The following SVIL variants were observed in gnomAD, a reference collection of about 807,000 sequenced individuals.
SVIL encodes supervillin, also known as archvillin.
SVIL carries 101 observed loss-of-function variants against 240.4 expected under a neutral mutation model. That is an observed-to-expected ratio of 0.42 (90% confidence interval 0.36 to 0.50). SVIL has a LOEUF of 0.50. SVIL is among the 20% of genes least tolerant of loss of function. The pLI is 0.01. For missense variants in SVIL, 2,512 were observed against 2,818.7 expected, an observed-to-expected ratio of 0.89 and a Z score of 2.46; for synonymous variants, 999 against 1,100.0, an observed-to-expected ratio of 0.91 and a Z score of 1.82.
Position 29,559,810 on chromosome 10 carries a change from C to T in SVIL, c.-51+3391G>A, listed in dbSNP as rs144797089. ...GCTGGAGGTTAGTTTTCAAGTAAGG[C>T]GATTTAAGGAAATTTGATAGCAGAG... On this transcript the variant is annotated intron_variant, in intron 3 of 37. Transcript: ENST00000355867. 7.6e-4 allele frequency among the ~76,000 whole-genome samples: 115 copies of T among 152,110 alleles called. 1 individual carries two copies. The highest frequency in any genetic ancestry group is 2.6e-3 in the African/African-American group (107 of 41,484).
At chr10:29,718,153 C>T (rs1195600726) in intron 1 of SVIL, among the ~76,000 whole-genome samples, 1 of 151,924 alleles carries the variant, frequency 6.6e-6, no homozygotes, top group Non-Finnish European at 1.5e-5. Flanking sequence ...TGGTGAAATC[C>T]CGTTTCTACT....
chr10:29,566,695 T>A (rs1040225721), intron 2 of SVIL, among the ~76,000 whole-genome samples: 2 of 152,208 alleles, frequency 1.3e-5, no homozygotes, highest in Non-Finnish European at 2.9e-5. Context: ...CACAAGCACC[T>A]GTGAGGGTCC....
intron 1 of SVIL, among the ~76,000 whole-genome samples, chr10:29,585,865 A>G (rs932715445): frequency 2.6e-5 from 4 of 152,242 alleles, no homozygotes; most frequent in African/African-American, 9.6e-5. Context: ...AATGAATGAG[A>G]AGCCGCTTAG....
chr10:29,654,551 C>A (rs1255308018), intron 3 of SVIL, among the ~76,000 whole-genome samples: 1 of 152,174 alleles, frequency 6.6e-6, no homozygotes, highest in Non-Finnish European at 1.5e-5. Context: ...CTGGCTAGAA[C>A]CTCCAGCACA....
chr10:29,500,165 A>G (rs4747661), intron 17 of SVIL, among the ~76,000 whole-genome samples: 23,138 of 152,062 alleles, frequency 0.15, 1,977 homozygotes, highest in East Asian at 0.29. Context: ...AGCAGAGGAC[A>G]GGGCTCATGC....
chr10:29,515,316 G>A (rs3780849), intron 16 of SVIL, among the ~76,000 whole-genome samples: 66,510 of 151,958 alleles, frequency 0.44, 15,210 homozygotes, highest in African/African-American at 0.55. Context: ...GCTCTAATCC[G>A]CACCATTTCA....
chr10:29,671,710 A>G (rs1209310451), intron 2 of SVIL, among the ~76,000 whole-genome samples: 1 of 152,134 alleles, frequency 6.6e-6, no homozygotes, highest in Non-Finnish European at 1.5e-5. Context: ...TTTCTTTCCA[A>G]TGGCTCCAGA....
At chr10:29,655,005 A>G (rs1023815624) in intron 3 of SVIL, among the ~76,000 whole-genome samples, 2 of 152,136 alleles carry the variant, frequency 1.3e-5, no homozygotes, top group African/African-American at 4.8e-5. Context: ...CCACTCATAC[A>G]CCAATCTCGT....
intron 1 of SVIL, among the ~76,000 whole-genome samples, chr10:29,580,669 A>C (rs1955904309): frequency 6.6e-6 from 1 of 152,182 alleles, no homozygotes; most frequent in South Asian, 2.1e-4. Flanking sequence ...GTATGTATGT[A>C]TGTATGTATT....
Position 29,532,837 on chromosome 10 carries a change from T to C in SVIL, c.1530A>G (p.Thr510=). ...TGTAGAGAACCATCTCGCTCCTGCCTGTCCTCTCAGTGGGCTGGTGCGGAG... is the reference window on the plus strand; with the variant it reads ...TGTAGAGAACCATCTCGCTCCTGCCCGTCCTCTCAGTGGGCTGGTGCGGAG... The part of the protein sequence containing the change: ...PQAPHQPTER[T]GRSEMVLYIQ... Residue 510 remains threonine, a synonymous_variant, in exon 8 of 38, where the codon ACA becomes ACG. Coordinates refer to ENST00000355867, the MANE Select transcript of SVIL (RefSeq NM_021738.3). 6.2e-7 allele frequency: 1 copy of C among 1,614,192 alleles called. No individual in the cohort carries two copies. The highest frequency in any genetic ancestry group is 2.2e-5 in the East Asian group (1 of 44,880).
intron 35 of SVIL, among the ~76,000 whole-genome samples, 177 bp downstream of exon 35, chr10:29,463,315 A>AACTT (rs1437466972): frequency 6.6e-6 from 1 of 152,198 alleles, no homozygotes; most frequent in Admixed American, 6.5e-5. Context: ...GCTAATCTAA[A>AACTT]ACTTAATACA....
intron 1 of SVIL, among the ~76,000 whole-genome samples, chr10:29,610,193 G>T (rs1341393058): frequency 1.3e-5 from 2 of 152,058 alleles, no homozygotes; most frequent in Non-Finnish European, 2.9e-5. Context: ...CTCAACCTGG[G>T]CAATTCTTCC....
chr10:29,471,829 G>A (rs1019525750), intron 30 of SVIL, among the ~76,000 whole-genome samples: 5 of 152,214 alleles, frequency 3.3e-5, no homozygotes, highest in Admixed American at 6.5e-5. Context: ...TCCTGGAGCT[G>A]GTAGTCAGGG....
chr10:29,502,987 C>G (rs1949018422), intron 17 of SVIL, among the ~76,000 whole-genome samples: 1 of 152,058 alleles, frequency 6.6e-6, no homozygotes. Flanking sequence ...TCTTCCACAA[C>G]CAGAGAGCTT....
intron 1 of SVIL, among the ~76,000 whole-genome samples, chr10:29,725,028 C>CAAAAA (rs1187861054): frequency 3.7e-4 from 15 of 40,922 alleles, no homozygotes; most frequent in African/African-American, 5.6e-4. Context: ...GACCCGGTCT[C>CAAAAA]AAAAAAAAAA....
chr10:29,644,114 T>C, intron 3 of SVIL: 1 of 453,770 alleles, frequency 2.2e-6, no homozygotes, highest in Non-Finnish European at 4.4e-6. Flanking sequence ...AGCAGCTCAC[T>C]GCACGAACAG....
At chr10:29,604,138 C>T (rs1956920076) in intron 1 of SVIL, among the ~76,000 whole-genome samples, 1 of 151,924 alleles carries the variant, frequency 6.6e-6, no homozygotes, top group Non-Finnish European at 1.5e-5. Flanking sequence ...AGAGGCACCA[C>T]ATTCACATAC....
chr10:29,634,265 G>A (rs1958223499), intron 1 of SVIL, among the ~76,000 whole-genome samples, 155 bp downstream of exon 1: 1 of 151,176 alleles, frequency 6.6e-6, no homozygotes, highest in Admixed American at 6.6e-5. Context: ...AATGGCTGCA[G>A]TAACTGGCAA....
intron 32 of SVIL, among the ~76,000 whole-genome samples, chr10:29,469,917 C>G (rs1001915372): frequency 6.6e-6 from 1 of 152,204 alleles, no homozygotes; most frequent in Admixed American, 6.5e-5. Flanking sequence ...GAAAACTCCA[C>G]AAATTTGAAA....
Sources: gnomAD v4.1 joint callset for allele counts (sites outside exome capture counted in the v4.1 genomes callset) on GRCh38, gnomAD v4.1.1 for gene constraint, MANE v1.5 for transcripts, NCBI Gene and HGNC (gene_info 2026-07-23, HGNC 2026-07-21) for gene names.